Variants in KCNQ1 observed in about 807,000 individuals in gnomAD.
KCNQ1 encodes the protein potassium voltage-gated channel subfamily KQT member 1.
A neutral mutation model predicts 72.4 loss-of-function variants in KCNQ1; 49 were observed. That is an observed-to-expected ratio of 0.68 (90% CI 0.54 to 0.86). The LOEUF (loss-of-function observed/expected upper bound fraction) is 0.86, where lower values mean the gene tolerates loss of function less well. KCNQ1 is among the 40% of genes least tolerant of loss of function. The pLI, the probability that KCNQ1 is intolerant of heterozygous loss-of-function variation, is 0.00. For synonymous variants in KCNQ1, 450 were observed against 412.6 expected, an observed-to-expected ratio of 1.09 and a Z score of -1.10; for missense variants, 790 against 945.1, an observed-to-expected ratio of 0.84 and a Z score of 2.15.
Position 2,571,395 on chromosome 11 carries a change from G to C in KCNQ1, c.675G>C (p.Ser225=), listed in dbSNP as rs148566141. The change falls in exon 4 of 16, where the codon TCG becomes TCC. Residue 225 remains serine, a synonymous_variant. Transcript: ENST00000155840. ...CCAAGGGGCAGGTGTTTGCCACGTC[G>C]GCCATCAGGTGCGTCTGTGCCACAA... ...VGSKGQVFAT[S]AIRGIRFLQI... The C allele has an allele frequency of 1.2e-6, 2 of 1,611,370 alleles. No homozygotes were observed. The highest frequency in any genetic ancestry group is 1.7e-6 in the Non-Finnish European group (2 of 1,179,872).
intron 10 of KCNQ1, chr11:2,625,658 C>T: frequency 2.5e-6 from 1 of 396,664 alleles, no homozygotes. Context: ...TTACTGCAAC[C>T]TCTGCCTCCT....
chr11:2,588,719 A>G lies in KCNQ1; in HGVS notation c.1258A>G (p.Lys420Glu), dbSNP rs1214914769. The G allele has an allele frequency of 6.2e-7, 1 of 1,612,844 alleles. No individual in the cohort carries two copies. Among genetic ancestry groups the G allele is most frequent in the Admixed American group, 1.7e-5 (1 of 59,976 alleles). The change falls in exon 10 of 16, where the codon AAA becomes GAA. Residue 420 changes from lysine to glutamate, a missense_variant. By Grantham distance (56) the Lys-to-Glu change is moderately conservative. Transcript: ENST00000155840. The surrounding 1 kb of genome is among the most constrained non-coding windows in gnomAD (Gnocchi z 5.6). Reference protein sequence around the residue: ...PKPKKSVVVKKKKFKLDKDNG... With the variant: ...PKPKKSVVVKEKKFKLDKDNG... The stretch of plus-strand genomic sequence containing the variant: ...GTTGTCTTGTTTTTTTTAGGTAAAG[A>G]AAAAAAAGTTCAAGCTGGACAAAGA...
In KCNQ1 at chr11:2,647,802, A is replaced by G. The variant is rs1849689156; in HGVS notation, c.1394-14159A>G. ...CATATAGTTGTTCATAATGGTCTCT[A>G]ATAATCTTTTGTATTTCTGTGGTGT... On this transcript the variant is annotated intron_variant, in intron 10 of 15. Transcript: ENST00000155840. The surrounding 1 kb of genome is among the most constrained non-coding windows in gnomAD (Gnocchi z 4.0). 1 of 398,462 alleles carries G rather than the reference A, an allele frequency of 2.5e-6. No homozygotes were observed. Among genetic ancestry groups the G allele is most frequent in the Non-Finnish European group, 4.4e-6 (1 of 226,032 alleles). The allele number at this position is 398,462 out of a possible 1,614,324, so 24.7% of individuals were successfully genotyped here.
rs1233263603 is a variant in KCNQ1, at chr11:2,767,035, G to A, written c.1515-1809G>A. Among the ~76,000 whole-genome samples the A allele has an allele frequency of 6.6e-6, 1 of 152,142 alleles. No homozygotes were observed. Among genetic ancestry groups the A allele is most frequent in the Non-Finnish European group, 1.5e-5 (1 of 68,020 alleles). On this transcript the variant is annotated intron_variant, in intron 11 of 15. Coordinates refer to ENST00000155840, the MANE Select transcript of KCNQ1 (RefSeq NM_000218.3). This position sits in a 1 kb window ranked among gnomAD's most constrained non-coding sequence, Gnocchi z 4.6. ...CTACTAAAAATACAAAAATTAGCTG[G>A]GCATGGTGGTGTGCACCTGCTACTC...
rs548473321 is a variant in KCNQ1, at chr11:2,600,237, A to G, written c.1393+11383A>G. On this transcript the variant is annotated intron_variant, in intron 10 of 15. Coordinates refer to ENST00000155840, the MANE Select transcript of KCNQ1 (RefSeq NM_000218.3). The surrounding 1 kb of genome is among the most constrained non-coding windows in gnomAD (Gnocchi z 5.6). ...ACCAAAAACATCTCCACATGTTGCT[A>G]CATGTCCCCTGGAGGGCAAAATTGC... Among the ~76,000 whole-genome samples, 15 of 152,282 alleles carry G rather than the reference A, an allele frequency of 9.9e-5. No individual in the cohort carries two copies. In the South Asian group the frequency reaches 2.7e-3, roughly 27 times the overall value.
Position 2,450,987 on chromosome 11 carries a change from C to T in KCNQ1, c.386+5503C>T, listed in dbSNP as rs1846112580. Among the ~76,000 whole-genome samples, 2 of 152,134 alleles carry T rather than the reference C, an allele frequency of 1.3e-5. No homozygotes were observed. The highest frequency in any genetic ancestry group is 2.4e-5 in the African/African-American group (1 of 41,436). The stretch of plus-strand genomic sequence containing the variant: ...CCATGATGGGACCCAGGTGTCTTCC[C>T]ACTTCTCGACCATCTCCTGGGAAGT... On this transcript the variant is annotated intron_variant, in intron 1 of 15. Coordinates refer to ENST00000155840, the MANE Select transcript of KCNQ1 (RefSeq NM_000218.3). This position sits in a 1 kb window ranked among gnomAD's most constrained non-coding sequence, Gnocchi z 7.9.
At chr11:2,837,735 A>G (rs949837713) in intron 15 of KCNQ1, among the ~76,000 whole-genome samples, 7 of 152,224 alleles carry the variant, frequency 4.6e-5, no homozygotes, top group Non-Finnish European at 1.0e-4. Flanking sequence ...GAGGCTAAGG[A>G]GAGGGGTGGA....
intron 1 of KCNQ1, among the ~76,000 whole-genome samples, chr11:2,502,740 C>T (rs1354598519): frequency 6.6e-6 from 1 of 152,062 alleles, no homozygotes; most frequent in African/African-American, 2.4e-5. Context: ...CTATCCTGAG[C>T]AAAAGAACAA....
chr11:2,736,993 G>A (rs1845969738), intron 11 of KCNQ1, among the ~76,000 whole-genome samples: 1 of 152,200 alleles, frequency 6.6e-6, no homozygotes, highest in African/African-American at 2.4e-5. Flanking sequence ...AAGACATCCT[G>A]AGTGCCCCTC....
At position 2,745,401 on chromosome 11, in the gene KCNQ1, G is replaced by A. The variant is rs552741912; in HGVS notation, c.1515-23443G>A. 6.6e-6 allele frequency among the ~76,000 whole-genome samples: 1 copy of A among 152,244 alleles called. No homozygotes were observed. The highest frequency in any genetic ancestry group is 2.4e-5 in the African/African-American group (1 of 41,536). On this transcript the variant is annotated intron_variant, in intron 11 of 15. Transcript: ENST00000155840. This position sits in a 1 kb window ranked among gnomAD's most constrained non-coding sequence, Gnocchi z 6.2. ...AGACCTTCTTTCCCCTGCTATTTTG[G>A]AATTTTTTCTCCCAGGAGTTTATTG...
At chr11:2,847,200 C>G (rs1848348444) in intron 15 of KCNQ1, among the ~76,000 whole-genome samples, 1 of 152,140 alleles carries the variant, frequency 6.6e-6, no homozygotes, top group Non-Finnish European at 1.5e-5. Flanking sequence ...CCTGCACACC[C>G]AGGCAAAGCC....
At chr11:2,805,248 C>T (rs1434896692) in intron 15 of KCNQ1, among the ~76,000 whole-genome samples, 1 of 152,212 alleles carries the variant, frequency 6.6e-6, no homozygotes, top group Non-Finnish European at 1.5e-5. Context: ...CCCCCAGCTC[C>T]AGCCTGGCTG....
chr11:2,553,968 T>C (rs969834507), intron 2 of KCNQ1, among the ~76,000 whole-genome samples: 1 of 152,218 alleles, frequency 6.6e-6, no homozygotes, highest in Admixed American at 6.5e-5. Context: ...CTGCCCGCCT[T>C]GACCTTCCAA....
intron 11 of KCNQ1, chr11:2,662,473 G>GT: frequency 4.3e-6 from 2 of 468,260 alleles, no homozygotes; most frequent in Non-Finnish European, 7.5e-6. Context: ...GCCGGGTGCA[G>GT]TCTGCCAGTT....
chr11:2,540,417 C>T (rs1847805752), intron 2 of KCNQ1, among the ~76,000 whole-genome samples: 1 of 152,246 alleles, frequency 6.6e-6, no homozygotes, highest in Non-Finnish European at 1.5e-5. Context: ...CACCTCGGAT[C>T]CCAGCCCCCT....
At chr11:2,489,826 C>A (rs1846805399) in intron 1 of KCNQ1, among the ~76,000 whole-genome samples, 1 of 152,154 alleles carries the variant, frequency 6.6e-6, no homozygotes, top group Admixed American at 6.5e-5. Context: ...CAGAATTCAT[C>A]ATCAGCTGAC....
intron 11 of KCNQ1, among the ~76,000 whole-genome samples, chr11:2,701,547 G>A (rs984535683): frequency 6.6e-6 from 1 of 152,224 alleles, no homozygotes; most frequent in Non-Finnish European, 1.5e-5. Flanking sequence ...CCCAGACTCA[G>A]GGTTTCACGC....
At position 2,482,944 on chromosome 11, in the gene KCNQ1, A is replaced by T. The variant is rs950984026; in HGVS notation, c.386+37460A>T. Among the ~76,000 whole-genome samples, 1 of 152,058 alleles carries T rather than the reference A, an allele frequency of 6.6e-6. No individual in the cohort carries two copies. The highest frequency in any genetic ancestry group is 2.4e-5 in the African/African-American group (1 of 41,406). On this transcript the variant is annotated intron_variant, in intron 1 of 15. Transcript: ENST00000155840. This position sits in a 1 kb window ranked among gnomAD's most constrained non-coding sequence, Gnocchi z 5.7. ...GAGTCATGGACCGGCATGGCGTGGT[A>T]ATGCATGGTGCGTGTCTCTTAGCAG...
rs199472752 is a variant in KCNQ1 at position 2,583,467 on chromosome 11, G to A, written c.954G>A (p.Lys318=). 5.0e-6 allele frequency: 8 copies of A among 1,613,870 alleles called. No individual in the cohort carries two copies. The East Asian group carries it at 1.3e-4, about 27-fold the overall frequency. ...VTVTTIGYGD[K]VPQTWVGKTI... ...TCACCACCATCGGCTATGGGGACAA[G>A]GTGCCCCAGACGTGGGTCGGGAAGA... is the stretch of plus-strand genomic sequence containing the variant. Residue 318 remains lysine (K), a synonymous_variant, in exon 7 of 16, where the codon AAG becomes AAA. Coordinates refer to ENST00000155840, the MANE Select transcript of KCNQ1 (RefSeq NM_000218.3).
Sources: allele counts gnomAD v4.1 joint callset (sites outside exome capture counted in the v4.1 genomes callset), GRCh38; gene constraint gnomAD v4.1.1; non-coding constraint Gnocchi (gnomAD v3.1); transcripts MANE v1.5; gene names NCBI Gene and HGNC (gene_info 2026-07-23, HGNC 2026-07-21).